GALNT9: variants seen among roughly 807,000 people sequenced by gnomAD.
The protein encoded by GALNT9 is GalNAc transferase 9.
Under a neutral mutation model 63.1 loss-of-function variants are expected in GALNT9, and 47 were observed. The observed-to-expected ratio is 0.75, with a 90% CI of 0.59 to 0.95. GALNT9 has a LOEUF of 0.95. Among genes scored for constraint, GALNT9 ranks in the 40% least tolerant of loss-of-function variants. The pLI is 0.00. For synonymous variants in GALNT9, 396 were observed against 365.7 expected (o/e 1.08, Z -0.94); for missense variants, 829 against 874.8 (o/e 0.95, Z 0.66).
intron 1 of GALNT9, among the ~76,000 whole-genome samples, chr12:132,301,382 C>T (rs67781313): frequency 0.19 from 28,194 of 152,260 alleles, 3,046 homozygotes; most frequent in African/African-American, 0.31. Context: ...GTTTCACAGA[C>T]AGAAGTGCTG....
At chr12:132,198,738 G>A (rs1875751484) in intron 9 of GALNT9, among the ~76,000 whole-genome samples, 2 of 152,030 alleles carry the variant, frequency 1.3e-5, no homozygotes, top group South Asian at 2.1e-4. Flanking sequence ...CTCAACCTCC[G>A]CATCCCAGGC....
intron 1 of GALNT9, among the ~76,000 whole-genome samples, chr12:132,317,495 C>T (rs1868570340): frequency 6.6e-6 from 1 of 152,236 alleles, no homozygotes. Context: ...ACCAAGGAGA[C>T]CTGCGGTTTT....
intron 3 of GALNT9, 27 bp from the exon 4 acceptor site, chr12:132,261,149 C>G: frequency 6.5e-7 from 1 of 1,543,288 alleles, no homozygotes; most frequent in Non-Finnish European, 8.7e-7. Context: ...CTTTAGCACG[C>G]TGGCAGGTGC....
chr12:132,314,323 C>A (rs1868405110), intron 1 of GALNT9, among the ~76,000 whole-genome samples: 1 of 151,984 alleles, frequency 6.6e-6, no homozygotes, highest in South Asian at 2.1e-4. Context: ...CAAATCCTGC[C>A]CCACTTGAAC....
chr12:132,224,642 C>A (rs1405045474), intron 6 of GALNT9, among the ~76,000 whole-genome samples: 1 of 86,612 alleles, frequency 1.2e-5, no homozygotes, highest in Non-Finnish European at 2.3e-5. Context: ...CACACCCCAG[C>A]GTACATACAC....
Position 132,236,963 on chromosome 12 carries a change from C to T in GALNT9, c.1077+10947G>A, listed in dbSNP as rs1320163474. Among the ~76,000 whole-genome samples the T allele has an allele frequency of 6.6e-6, 1 of 152,174 alleles. No homozygotes were observed. Among genetic ancestry groups the T allele is most frequent in the Non-Finnish European group, 1.5e-5 (1 of 68,032 alleles). On this transcript the variant is annotated intron_variant, in intron 6 of 10. Transcript: ENST00000328957. The surrounding 1 kb of genome is among the most constrained non-coding windows in gnomAD (Gnocchi z 5.6). ...CCCCACAGCTGTTCTTATCCTCATC[C>T]AATCTGGTAACCCTCGTATCCTGGA...
At chr12:132,306,437 G>A (rs1318817506) in intron 1 of GALNT9, among the ~76,000 whole-genome samples, 1 of 152,244 alleles carries the variant, frequency 6.6e-6, no homozygotes, top group Non-Finnish European at 1.5e-5. Flanking sequence ...GGCCTGTTGG[G>A]GGTGGTTCTC....
chr12:132,240,612 G>A (rs2136898862), intron 6 of GALNT9: 178 of 455,336 alleles, frequency 3.9e-4, no homozygotes, highest in African/African-American at 3.2e-3. Context: ...GCGTGGCCCC[G>A]GGGCTCGGCT....
intron 2 of GALNT9, among the ~76,000 whole-genome samples, chr12:132,264,282 C>T (rs975089761): frequency 6.6e-6 from 1 of 152,224 alleles, no homozygotes; most frequent in Non-Finnish European, 1.5e-5. Flanking sequence ...CGCGGAGAAG[C>T]GTGTGAGGAG....
rs963507548 is a variant in GALNT9 at position 132,236,112 on chromosome 12, C to T, written c.1077+11798G>A. Among the ~76,000 whole-genome samples, 11 of 148,822 alleles carry T rather than the reference C, an allele frequency of 7.4e-5. No homozygotes were observed. The highest frequency in any genetic ancestry group is 1.7e-4 in the African/African-American group (7 of 40,190). On this transcript the variant is annotated intron_variant, in intron 6 of 10. Transcript: ENST00000328957. The surrounding 1 kb of genome is among the most constrained non-coding windows in gnomAD (Gnocchi z 5.6). ...CTCGGGACAGGGCAGGAGGGTCCCC[C>T]GGGCTGGAGTTCAACCCTCGGGACA... is the stretch of plus-strand genomic sequence containing the variant.
At position 132,297,780 on chromosome 12, in the gene GALNT9, T is replaced by C. The variant is rs534185439; in HGVS notation, c.239-11350A>G. 4.6e-5 allele frequency among the ~76,000 whole-genome samples: 7 copies of C among 150,832 alleles called. No homozygotes were observed. In the South Asian group the frequency reaches 6.3e-4, roughly 14 times the overall value. On this transcript the variant is annotated intron_variant, in intron 1 of 10. Transcript: ENST00000328957. ...CTCCCTCCTGAGACAACCAAACCGA[T>C]CCCACAATAACCAACTCACTCTCAT...
chr12:132,211,076 T>C (rs1593066117), intron 6 of GALNT9, among the ~76,000 whole-genome samples: 1 of 152,124 alleles, frequency 6.6e-6, no homozygotes, highest in Non-Finnish European at 1.5e-5. Flanking sequence ...CCACAACGCC[T>C]GGCTGCACGT....
intron 6 of GALNT9, among the ~76,000 whole-genome samples, chr12:132,213,451 G>A (rs889288940): frequency 1.3e-5 from 2 of 151,012 alleles, no homozygotes; most frequent in Non-Finnish European, 2.9e-5. Context: ...CACATGCACT[G>A]TTACCCCCAC....
At chr12:132,226,407 AT>A (rs1877689688) in intron 6 of GALNT9, among the ~76,000 whole-genome samples, 1 of 148,974 alleles carries the variant, frequency 6.7e-6, no homozygotes, top group South Asian at 2.1e-4. Context: ...TACACCTCAT[AT>A]ACCCCATGTA....
At chr12:132,216,133 A>G (rs1442337567) in intron 6 of GALNT9, among the ~76,000 whole-genome samples, 1 of 149,348 alleles carries the variant, frequency 6.7e-6, no homozygotes, top group African/African-American at 2.4e-5. Context: ...CAGAGACAGA[A>G]AGATACAGAG....
rs1425774277 is a variant in GALNT9, at chr12:132,265,572, C to G, written c.420-2947G>C. 6.6e-6 allele frequency among the ~76,000 whole-genome samples: 1 copy of G among 152,210 alleles called. No individual in the cohort carries two copies. The highest frequency in any genetic ancestry group is 1.9e-4 in the East Asian group (1 of 5,200). ...CGTCCTTGTTCCCTGTGTGAAGCCC[C>G]CGGGCCCCTTTTGCAGCAGGCTTCG... On this transcript the variant is annotated intron_variant, in intron 2 of 10. Coordinates refer to ENST00000328957, the MANE Select transcript of GALNT9 (RefSeq NM_001122636.2). The surrounding 1 kb of genome is among the most constrained non-coding windows in gnomAD (Gnocchi z 5.3).
chr12:132,269,947 C>T (rs887621748), intron 2 of GALNT9, among the ~76,000 whole-genome samples: 2 of 152,234 alleles, frequency 1.3e-5, no homozygotes, highest in Admixed American at 6.5e-5. Context: ...ACAGCACAGA[C>T]GGACCCTCTC....
chr12:132,317,585 C>A (rs985994634), intron 1 of GALNT9, among the ~76,000 whole-genome samples: 5 of 152,226 alleles, frequency 3.3e-5, no homozygotes, highest in African/African-American at 9.7e-5. Flanking sequence ...ATTTGTTATC[C>A]ATAAACGTGT....
intron 6 of GALNT9, among the ~76,000 whole-genome samples, chr12:132,220,639 A>G (rs986957254): frequency 1.3e-5 from 2 of 152,188 alleles, no homozygotes; most frequent in South Asian, 2.1e-4. Context: ...GGGACACCCC[A>G]CAGAATGGAA....
Sources: allele counts gnomAD v4.1 joint callset (sites outside exome capture counted in the v4.1 genomes callset), GRCh38; gene constraint gnomAD v4.1.1; non-coding constraint Gnocchi (gnomAD v3.1); transcripts MANE v1.5; gene names NCBI Gene and HGNC (gene_info 2026-07-23, HGNC 2026-07-21).